The following MAML3 variants were observed in gnomAD, a reference collection of about 807,000 sequenced individuals.
MAML3 encodes the protein mastermind like transcriptional coactivator 3.
In MAML3, 27 loss-of-function variants were observed where a neutral mutation model predicts 101.9. That is an observed-to-expected ratio of 0.27 (90% confidence interval 0.20 to 0.37). The LOEUF (loss-of-function observed/expected upper bound fraction) is 0.37. Ranked by LOEUF, MAML3 falls within the 10% of genes least tolerant of loss-of-function variation. The pLI is 1.00. For missense variants in MAML3, 1,316 were observed against 1,444.9 expected (o/e 0.91, Z 1.45); for synonymous variants, 501 against 555.9 (o/e 0.90, Z 1.39).
At position 140,092,454 on chromosome 4, in the gene MAML3, G is replaced by C. The variant is rs139041808; in HGVS notation, c.468+60406C>G. Among the ~76,000 whole-genome samples, 292 of 152,174 alleles carry C rather than the reference G, an allele frequency of 1.9e-3. 1 individual carries two copies. The highest frequency in any genetic ancestry group is 6.9e-3 in the African/African-American group (286 of 41,508). On this transcript the variant is annotated intron_variant, in intron 1 of 4. Coordinates refer to ENST00000509479, the MANE Select transcript of MAML3 (RefSeq NM_018717.5). ...CCGGGTGAGGCATGTTAACCGAGAA[G>C]CCCTCCTCCAATTAATGTGCTATTG...
chr4:139,988,379 C>A (rs1293041878), intron 1 of MAML3, among the ~76,000 whole-genome samples: 2 of 149,012 alleles, frequency 1.3e-5, no homozygotes, highest in Admixed American at 6.6e-5. Flanking sequence ...ACCATTACTA[C>A]TTTGAAGGAC....
At chr4:140,039,904 C>T (rs1360343175) in intron 1 of MAML3, among the ~76,000 whole-genome samples, 3 of 152,138 alleles carry the variant, frequency 2.0e-5, no homozygotes, top group African/African-American at 7.2e-5. Flanking sequence ...TGGAAACACG[C>T]AGGAAGTTCA....
chr4:139,996,776 T>C (rs1006052318), intron 1 of MAML3, among the ~76,000 whole-genome samples: 2 of 151,804 alleles, frequency 1.3e-5, no homozygotes, highest in African/African-American at 4.8e-5. Context: ...AAATATATTA[T>C]TGGGCCAGGC....
At chr4:139,853,162 A>G (rs1731590589) in intron 2 of MAML3, among the ~76,000 whole-genome samples, 1 of 152,162 alleles carries the variant, frequency 6.6e-6, no homozygotes, top group African/African-American at 2.4e-5. Flanking sequence ...TACACTTCTC[A>G]TTTCTGCTTC....
chr4:140,003,091 C>G (rs1437630402), intron 1 of MAML3, among the ~76,000 whole-genome samples: 1 of 152,220 alleles, frequency 6.6e-6, no homozygotes, highest in Non-Finnish European at 1.5e-5. Flanking sequence ...CAAAATTCCT[C>G]TCTGCAAATT....
At chr4:139,930,163 A>G (rs1185791969) in intron 1 of MAML3, among the ~76,000 whole-genome samples, 1 of 152,250 alleles carries the variant, frequency 6.6e-6, no homozygotes, top group East Asian at 1.9e-4. Flanking sequence ...GAAGATAAAG[A>G]CATTATTTAA....
chr4:139,889,040 G>A (rs921586385), intron 2 of MAML3: 5 of 459,470 alleles, frequency 1.1e-5, no homozygotes, highest in Admixed American at 2.6e-5. Context: ...AGGTAGTGCC[G>A]TGTTTGGTGG....
intron 1 of MAML3, among the ~76,000 whole-genome samples, chr4:140,038,683 T>A (rs897395240): frequency 6.6e-6 from 1 of 152,180 alleles, no homozygotes; most frequent in Non-Finnish European, 1.5e-5. Flanking sequence ...TAATAGTCCC[T>A]ACCTCCCAGG....
At chr4:139,854,125 AT>A (rs1002594059) in intron 2 of MAML3, among the ~76,000 whole-genome samples, 50 of 150,848 alleles carry the variant, frequency 3.3e-4, no homozygotes, top group African/African-American at 1.1e-3. Context: ...GCCCGGCCAC[AT>A]TTTTTTTTAT....
chr4:139,980,843 G>A (rs1309711534), intron 1 of MAML3, among the ~76,000 whole-genome samples: 1 of 152,096 alleles, frequency 6.6e-6, no homozygotes, highest in Non-Finnish European at 1.5e-5. Flanking sequence ...AACCATTGGT[G>A]GTCAGCCTCA....
Position 139,882,417 on chromosome 4 carries a change from G to C in MAML3, c.2079+6940C>G, listed in dbSNP as rs377217979. Among the ~76,000 whole-genome samples the C allele has an allele frequency of 1.5e-4, 23 of 150,710 alleles. No individual in the cohort carries two copies. The East Asian group carries it at 3.9e-3, about 25-fold the overall frequency. On this transcript the variant is annotated intron_variant, in intron 2 of 4. Transcript: ENST00000509479. ...TGAAATTTCAGGGTAAAGAATATTA[G>C]AAAAGTTATCAGAGTGAAAAAAAAA...
intron 1 of MAML3, among the ~76,000 whole-genome samples, chr4:139,951,978 C>A (rs1387937035): frequency 6.6e-6 from 1 of 151,946 alleles, no homozygotes; most frequent in Admixed American, 6.6e-5. Context: ...AGCCTGGCCG[C>A]CATGGTGAAA....
chr4:139,829,389 G>A (rs1731123163), intron 2 of MAML3, among the ~76,000 whole-genome samples: 1 of 152,206 alleles, frequency 6.6e-6, no homozygotes, highest in South Asian at 2.1e-4. Flanking sequence ...ATTCCAAGTA[G>A]AGAAATAACT....
chr4:139,769,571 C>A (rs138856289), intron 2 of MAML3, among the ~76,000 whole-genome samples: 1 of 151,966 alleles, frequency 6.6e-6, no homozygotes, highest in East Asian at 1.9e-4. Context: ...ACTTATGAAC[C>A]GGCAATAAAA....
rs533098456 is a variant in MAML3, at chr4:139,718,618, G to C, written c.*705C>G. On this transcript the variant is annotated 3_prime_UTR_variant, in exon 5 of 5. Coordinates refer to ENST00000509479, the MANE Select transcript of MAML3 (RefSeq NM_018717.5). ...GAGGGAAGCCGTCCCAGGACTGCCG[G>C]ATGGACCCTGCTCCAAACTCAGCCT... 2.0e-5 allele frequency: 3 copies of C among 152,440 alleles called. No homozygotes were observed. The highest frequency in any genetic ancestry group is 4.4e-5 in the Non-Finnish European group (3 of 68,228). The allele number at this position is 152,440 out of a possible 1,614,324, so 9.4% of individuals were successfully genotyped here. A position where few individuals can be genotyped will look rare whatever the true frequency, so the allele number is the denominator to read the frequency against.
intron 2 of MAML3, among the ~76,000 whole-genome samples, chr4:139,865,202 C>G (rs1205152267): frequency 6.6e-6 from 1 of 152,088 alleles, no homozygotes; most frequent in African/African-American, 2.4e-5. Context: ...AAATACTTCA[C>G]TTTATTTGTC....
At chr4:140,005,314 C>T (rs565339768) in intron 1 of MAML3, among the ~76,000 whole-genome samples, 2 of 152,080 alleles carry the variant, frequency 1.3e-5, no homozygotes, top group Non-Finnish European at 1.5e-5. Context: ...TATTCCTTAA[C>T]CTGGAAACAT....
intron 1 of MAML3, among the ~76,000 whole-genome samples, chr4:140,060,474 C>T (rs1727429002): frequency 6.6e-6 from 1 of 151,632 alleles, no homozygotes; most frequent in African/African-American, 2.4e-5. Context: ...CCCAATACAG[C>T]TCAGTAACAC....
At chr4:139,765,722 T>G (rs1729842260) in intron 2 of MAML3, among the ~76,000 whole-genome samples, 1 of 152,188 alleles carries the variant, frequency 6.6e-6, no homozygotes, top group Non-Finnish European at 1.5e-5. Context: ...GTGTGGTGGC[T>G]CATGCCGGTA....
Sources: gnomAD v4.1 joint callset for allele counts (sites outside exome capture counted in the v4.1 genomes callset) on GRCh38, gnomAD v4.1.1 for gene constraint, MANE v1.5 for transcripts, NCBI Gene and HGNC (gene_info 2026-07-23, HGNC 2026-07-21) for gene names.